The following PATZ1 variants were observed in gnomAD, a reference collection of about 807,000 sequenced individuals.
PATZ1 encodes POZ/BTB and AT hook containing zinc finger 1.
A neutral mutation model predicts 46.2 loss-of-function variants in PATZ1; 9 were observed. The observed-to-expected ratio is 0.19, with a 90% CI of 0.12 to 0.34. PATZ1 has a LOEUF of 0.34. PATZ1 is among the 10% of genes least tolerant of loss of function. The pLI is 1.00. For missense variants in PATZ1, 632 were observed against 923.0 expected (o/e 0.68, Z 4.08); for synonymous variants, 426 against 378.6 (o/e 1.13, Z -1.45).
rs2049383485 is a variant in PATZ1 at position 31,327,562 on chromosome 22, C to T, written c.1646-253G>A. On this transcript the variant is annotated intron_variant, in intron 4 of 4. Transcript: ENST00000266269. The surrounding 1 kb of genome is among the most constrained non-coding windows in gnomAD (Gnocchi z 4.2). Reference sequence around the variant, plus strand: ...TTCATGCAGCTGCACATGTACTGCTCACCGTCATCTCAGCCTGCTTCAAGG... The same window carrying T: ...TTCATGCAGCTGCACATGTACTGCTTACCGTCATCTCAGCCTGCTTCAAGG... Among the ~76,000 whole-genome samples, 1 of 152,118 alleles carries T rather than the reference C, an allele frequency of 6.6e-6. No individual in the cohort carries two copies. The highest frequency in any genetic ancestry group is 2.1e-4 in the South Asian group (1 of 4,830).
intron 2 of PATZ1, among the ~76,000 whole-genome samples, chr22:31,340,275 T>C (rs1175921333): frequency 1.3e-5 from 2 of 152,254 alleles, no homozygotes; most frequent in Non-Finnish European, 2.9e-5. Flanking sequence ...ACTTAAGCTA[T>C]GGCACTAGTC....
rs995737641 is a variant in PATZ1, at chr22:31,328,456, A to C, written c.1645+331T>G. On this transcript the variant is annotated intron_variant, in intron 4 of 4. Transcript: ENST00000266269. The surrounding 1 kb of genome is among the most constrained non-coding windows in gnomAD (Gnocchi z 4.8). ...GGGCAGCAGGCAGTGACAGGCCCAT[A>C]GTGACTCATCATGCAGGGCTCTTCT... is the stretch of plus-strand genomic sequence containing the variant. Among the ~76,000 whole-genome samples the C allele has an allele frequency of 3.3e-5, 5 of 152,174 alleles. No homozygotes were observed. The highest frequency in any genetic ancestry group is 6.5e-5 in the Admixed American group (1 of 15,280).
chr22:31,335,964 A>T, intron 2 of PATZ1, 101 bp from the exon 3 acceptor site: 1 of 1,042,918 alleles, frequency 9.6e-7, no homozygotes. Flanking sequence ...TGGCCATCAC[A>T]TGACCTCCCT....
intron 2 of PATZ1, chr22:31,341,783 A>G (rs1433056775): frequency 1.0e-6 from 1 of 976,824 alleles, no homozygotes; most frequent in East Asian, 2.5e-5. Context: ...TAATCAGCAC[A>G]CTACCTGAGT....
intron 3 of PATZ1, among the ~76,000 whole-genome samples, chr22:31,329,742 C>T (rs984168014): frequency 2.6e-5 from 4 of 152,160 alleles, no homozygotes; most frequent in Admixed American, 6.5e-5. Flanking sequence ...GTCTGATCCA[C>T]GAGATATCTC....
rs1436521734 is a variant in PATZ1 at position 31,328,018 on chromosome 22, C to T, written c.1646-709G>A. Among the ~76,000 whole-genome samples, 2 of 152,222 alleles carry T rather than the reference C, an allele frequency of 1.3e-5. No individual in the cohort carries two copies. The highest frequency in any genetic ancestry group is 6.5e-5 in the Admixed American group (1 of 15,286). ...ACCCTGGCTGCTCTGCCTTGCCCGG[C>T]CCACACTGGAGTCCTCCACCAATCA... is the stretch of plus-strand genomic sequence containing the variant. On this transcript the variant is annotated intron_variant, in intron 4 of 4. Transcript: ENST00000266269. The surrounding 1 kb of genome is among the most constrained non-coding windows in gnomAD (Gnocchi z 4.8).
chr22:31,341,583 T>C (rs764815318), intron 2 of PATZ1: 39 of 1,614,096 alleles, frequency 2.4e-5, no homozygotes, highest in Non-Finnish European at 3.3e-5. Context: ...AGGAACCGAA[T>C]GGGACGACCT....
At chr22:31,343,997 C>G (rs1417710130) in intron 1 of PATZ1, among the ~76,000 whole-genome samples, 1 of 152,174 alleles carries the variant, frequency 6.6e-6, no homozygotes, top group Non-Finnish European at 1.5e-5. Context: ...CAGTCTCCCG[C>G]CCCCAGAGGG....
chr22:31,337,424 T>A (rs188889882), intron 2 of PATZ1, among the ~76,000 whole-genome samples: 1 of 152,284 alleles, frequency 6.6e-6, no homozygotes, highest in East Asian at 1.9e-4. Flanking sequence ...GGACTCAGGT[T>A]GGCAGGCACT....
chr22:31,345,063 G>C lies in PATZ1; in HGVS notation c.540C>G (p.Thr180=). 6.2e-7 allele frequency: 1 copy of C among 1,614,188 alleles called. No individual in the cohort carries two copies. Among genetic ancestry groups the C allele is most frequent in the Non-Finnish European group, 8.5e-7 (1 of 1,180,024 alleles). The change falls in exon 1 of 5, where the codon ACC becomes ACG. Residue 180 remains threonine (T), a synonymous_variant. Transcript: ENST00000266269. The surrounding 1 kb of genome is among the most constrained non-coding windows in gnomAD (Gnocchi z 7.4). ...TGTCCAAAGGGAAGCCCAAGTCCGA[G>C]GTCCCAGGGGGGCGAAAGAGCATTA... The part of the protein sequence containing the change: ...ADIMLFRPPG[T]SDLGFPLDMT...
intron 2 of PATZ1, chr22:31,341,635 T>C (rs377371965): frequency 1.1e-5 from 17 of 1,613,766 alleles, no homozygotes; most frequent in Non-Finnish European, 1.4e-5. Context: ...GGCAGGTCGC[T>C]AGGAAGAGGT....
intron 2 of PATZ1, 137 bp from the exon 3 acceptor site, chr22:31,336,000 C>T: frequency 1.4e-6 from 1 of 729,726 alleles, no homozygotes; most frequent in Middle Eastern, 3.1e-4. Context: ...TAGAGTTTGG[C>T]TCAGGCTCCC....
At chr22:31,341,501 G>A in intron 2 of PATZ1, 1 of 1,613,852 alleles carries the variant, frequency 6.2e-7, no homozygotes, top group South Asian at 1.1e-5. Flanking sequence ...AGAGAGTGTT[G>A]CTGGAGTGTG....
intron 3 of PATZ1, among the ~76,000 whole-genome samples, chr22:31,334,655 A>G (rs1601488230): frequency 6.6e-6 from 1 of 152,138 alleles, no homozygotes; most frequent in Non-Finnish European, 1.5e-5. Context: ...TGGGATCCTC[A>G]TAACAGCCCT....
chr22:31,341,074 GA>G, intron 2 of PATZ1: 1 of 1,098,834 alleles, frequency 9.1e-7, no homozygotes, highest in Non-Finnish European at 1.1e-6. Flanking sequence ...CAGGGGAAGG[GA>G]AGCAGATAAG....
chr22:31,332,609 G>A (rs1254931780), intron 3 of PATZ1, among the ~76,000 whole-genome samples: 2 of 152,246 alleles, frequency 1.3e-5, no homozygotes, highest in Admixed American at 1.3e-4. Flanking sequence ...CATCAATGCA[G>A]GGGTTGGGGA....
chr22:31,333,473 T>C (rs1194537547), intron 3 of PATZ1, among the ~76,000 whole-genome samples: 2 of 147,278 alleles, frequency 1.4e-5, no homozygotes, highest in East Asian at 4.2e-4. Flanking sequence ...CTTTATCCTC[T>C]TCCTTTTTTT....
intron 1 of PATZ1, among the ~76,000 whole-genome samples, chr22:31,343,756 C>A (rs546885043): frequency 1.3e-5 from 2 of 152,300 alleles, no homozygotes; most frequent in South Asian, 4.1e-4. Context: ...TCTAGAGCTA[C>A]CAGGTCAGAG....
intron 3 of PATZ1, among the ~76,000 whole-genome samples, chr22:31,333,259 T>C (rs946236805): frequency 6.6e-6 from 1 of 152,218 alleles, no homozygotes; most frequent in Non-Finnish European, 1.5e-5. Context: ...TTGAAGGATC[T>C]GAGGGCACCT....
Sources: allele counts gnomAD v4.1 joint callset (sites outside exome capture counted in the v4.1 genomes callset), GRCh38; gene constraint gnomAD v4.1.1; non-coding constraint Gnocchi (gnomAD v3.1); transcripts MANE v1.5; gene names NCBI Gene and HGNC (gene_info 2026-07-23, HGNC 2026-07-21).